Variants in AFF2 observed in about 807,000 individuals in gnomAD.
The protein encoded by AFF2 is ALF transcription elongation factor 2.
AFF2 carries 14 observed loss-of-function variants against 76.9 expected under a neutral mutation model. The observed-to-expected ratio is 0.18, with a 90% CI of 0.12 to 0.28. The LOEUF (loss-of-function observed/expected upper bound fraction) is 0.28, where lower values mean the gene tolerates loss of function less well. Among genes scored for constraint, AFF2 ranks in the 10% least tolerant of loss-of-function variants. The pLI is 1.00. For missense variants in AFF2, 868 were observed against 1,001.1 expected (o/e 0.87, Z 1.79); for synonymous variants, 398 against 366.7 (o/e 1.09, Z -0.98).
intron 12 of AFF2, 69 bp from the exon 13 acceptor site, chrX:148,962,646 C>T: frequency 1.1e-6 from 1 of 925,352 alleles, no homozygotes; most frequent in Non-Finnish European, 1.5e-6. Flanking sequence ...ACAGTACTAG[C>T]ATCATGGGGA....
intron 1 of AFF2, among the ~76,000 whole-genome samples, chrX:148,565,422 ACACAGAG>A (rs2053158214): frequency 9.0e-6 from 1 of 111,525 alleles, no homozygotes; most frequent in African/African-American, 3.3e-5. Flanking sequence ...TATTCCTGCA[ACACAGAG>A]CTAGAAAAAT....
At chrX:148,976,109 A>G (rs1225535064) in intron 16 of AFF2, among the ~76,000 whole-genome samples, 1 of 111,130 alleles carries the variant, frequency 9.0e-6, no homozygotes, top group Non-Finnish European at 1.9e-5. Context: ...CTTCCCATAG[A>G]AGTTTATTTC....
At chrX:148,758,955 G>A (rs1285422171) in intron 3 of AFF2, among the ~76,000 whole-genome samples, 1 of 111,811 alleles carries the variant, frequency 8.9e-6, no homozygotes, top group Admixed American at 9.5e-5. Context: ...TGTATTTTTA[G>A]TAGAGACTGG....
chrX:148,611,783 G>A (rs554362270), intron 1 of AFF2, among the ~76,000 whole-genome samples: 1 of 111,245 alleles, frequency 9.0e-6, no homozygotes, highest in Non-Finnish European at 1.9e-5. Context: ...CCCACCCGTA[G>A]TGGGCCCAGC....
chrX:148,615,304 T>G (rs2053786115), intron 1 of AFF2, among the ~76,000 whole-genome samples: 1 of 112,120 alleles, frequency 8.9e-6, no homozygotes, highest in Admixed American at 9.5e-5. Flanking sequence ...ATTTCAAGTC[T>G]CTGTCACTGG....
chrX:148,830,476 G>T (rs1321178126), intron 4 of AFF2, among the ~76,000 whole-genome samples: 2 of 111,836 alleles, frequency 1.8e-5, no homozygotes, highest in East Asian at 2.8e-4. Flanking sequence ...TTTCACATAG[G>T]TTCTTTTCTA....
intron 3 of AFF2, among the ~76,000 whole-genome samples, chrX:148,781,718 C>T (rs2069747399): frequency 1.8e-5 from 2 of 111,396 alleles, no homozygotes; most frequent in Admixed American, 1.9e-4. Context: ...GGTTCTGTCT[C>T]GCTGGCATTC....
chrX:148,872,848 A>G, intron 7 of AFF2, among the ~76,000 whole-genome samples: 1 of 111,704 alleles, frequency 9.0e-6, no homozygotes, highest in Non-Finnish European at 1.9e-5. Context: ...TAATCCCATC[A>G]TGAGTATTCA....
At chrX:148,814,837 G>C (rs1247861786) in intron 4 of AFF2, among the ~76,000 whole-genome samples, 5 of 111,439 alleles carry the variant, frequency 4.5e-5, no homozygotes, top group African/African-American at 9.8e-5. Context: ...CATCTTGCAA[G>C]TAAGAAAAAA....
chrX:148,683,703 C>T (rs1438399226), intron 3 of AFF2, among the ~76,000 whole-genome samples: 2 of 111,654 alleles, frequency 1.8e-5, no homozygotes, highest in African/African-American at 6.5e-5. Flanking sequence ...GCTTTCCAAG[C>T]CTGGTGATTT....
At chrX:148,971,747 C>CTTTTTTTTTTTTTTTTTTTTTTTATTTT (rs781928514) in intron 15 of AFF2, among the ~76,000 whole-genome samples, 14 of 44,728 alleles carry the variant, frequency 3.1e-4, no homozygotes, top group African/African-American at 1.2e-3. Context: ...TTTTCTATTT[C>CTTTTTTTTTTTTTTTTTTTTTTTATTTT]TTTTTTTTTT....
In AFF2 at chrX:148,695,854, G is replaced by A. The variant is rs782512524; in HGVS notation, c.1041+33086G>A. ...CAGAGAAGCCAGGGCAAAGCCAAAG[G>A]TAAGCCATCTTATCAGCCAATAGAT... On this transcript the variant is annotated intron_variant, in intron 3 of 20. Transcript: ENST00000370460. Among the ~76,000 whole-genome samples, 3 of 111,886 alleles carry A rather than the reference G, an allele frequency of 2.7e-5. No homozygotes were observed. The East Asian group carries it at 8.4e-4, about 31-fold the overall frequency.
chrX:148,795,817 AAAAAAAAAAAAAAAAATATATATAT>A, intron 3 of AFF2, among the ~76,000 whole-genome samples: 1 of 40,674 alleles, frequency 2.5e-5, no homozygotes, highest in Non-Finnish European at 4.3e-5. Context: ...AAAAAAAAAA[AAAAAAAAAAAAAAAAATATATATAT>A]ATATATATAT....
chrX:148,702,139 A>G (rs1252673101), intron 3 of AFF2, among the ~76,000 whole-genome samples: 1 of 111,087 alleles, frequency 9.0e-6, no homozygotes, highest in Non-Finnish European at 1.9e-5. Flanking sequence ...TTTTTTTTAT[A>G]TATTCTACTA....
At chrX:148,974,021 G>A (rs2072291288) in intron 16 of AFF2, among the ~76,000 whole-genome samples, 1 of 111,576 alleles carries the variant, frequency 9.0e-6, no homozygotes, top group African/African-American at 3.3e-5. Context: ...AAAAAGGGAG[G>A]GGCACTGTTC....
intron 4 of AFF2, among the ~76,000 whole-genome samples, chrX:148,822,704 G>GGTGTGTGTGTGT (rs36003565): frequency 1.1e-5 from 1 of 92,253 alleles, no homozygotes; most frequent in African/African-American, 3.9e-5. Context: ...ATTCCTCCAG[G>GGTGTGTGTGTGT]GTGTGTGTGT....
At chrX:148,737,494 T>C (rs2055299550) in intron 3 of AFF2, among the ~76,000 whole-genome samples, 3 of 112,022 alleles carry the variant, frequency 2.7e-5, no homozygotes, top group African/African-American at 9.7e-5. Context: ...TGAATTCTTT[T>C]ATCAGTTCAA....
chrX:148,705,380 G>A (rs1360026415), intron 3 of AFF2, among the ~76,000 whole-genome samples: 1 of 112,133 alleles, frequency 8.9e-6, no homozygotes, highest in African/African-American at 3.2e-5. Context: ...GGGATGTAGT[G>A]ATCAAAGAGC....
chrX:148,700,241 TC>T (rs1216406615), intron 3 of AFF2, among the ~76,000 whole-genome samples: 2 of 111,150 alleles, frequency 1.8e-5, no homozygotes, highest in Non-Finnish European at 3.8e-5. Context: ...AATCTCAACT[TC>T]CTGATGCTCT....
Sources: gnomAD v4.1 joint callset for allele counts (sites outside exome capture counted in the v4.1 genomes callset) on GRCh38, gnomAD v4.1.1 for gene constraint, MANE v1.5 for transcripts, NCBI Gene and HGNC (gene_info 2026-07-23, HGNC 2026-07-21) for gene names.